LTBP3: variants seen among roughly 807,000 people sequenced by gnomAD.
LTBP3 encodes the protein latent-transforming growth factor beta-binding protein 3.
Under a neutral mutation model 159.7 loss-of-function variants are expected in LTBP3, and 97 were observed. The observed-to-expected ratio is 0.61, with a 90% CI of 0.52 to 0.72. The LOEUF (loss-of-function observed/expected upper bound fraction) is 0.72. Among genes scored for constraint, LTBP3 ranks in the 30% least tolerant of loss-of-function variants. The pLI is 0.00. For missense variants in LTBP3, 1,584 were observed against 1,864.3 expected, an observed-to-expected ratio of 0.85 and a Z score of 2.77; for synonymous variants, 824 against 777.1, an observed-to-expected ratio of 1.06 and a Z score of -1.00.
intron 21 of LTBP3, 29 bp from the exon 22 acceptor site, chr11:65,540,643 G>A (rs201231839): frequency 1.0e-4 from 163 of 1,595,126 alleles, no homozygotes; most frequent in Non-Finnish European, 1.2e-4. Context: ...TGGCCGCTCC[G>A]GTCCCGCAGC....
At chr11:65,549,979 A>C (rs1379286395) in intron 11 of LTBP3, among the ~76,000 whole-genome samples, 1 of 152,134 alleles carries the variant, frequency 6.6e-6, no homozygotes, top group Non-Finnish European at 1.5e-5. Flanking sequence ...TTGAGCACCT[A>C]CTATGTGCCA....
Position 65,540,012 on chromosome 11 carries a change from C to G in LTBP3, c.3385+1G>C. On this transcript the variant is annotated splice_donor_variant, in intron 24 of 27. Coordinates refer to ENST00000301873, the MANE Select transcript of LTBP3 (RefSeq NM_001130144.3). LOFTEE classifies it high-confidence loss of function. Reference sequence around the variant, plus strand: ...CGGCCAAGGCCAACCCTCGCCCTCACCGGCCGGGCTCTCGGGGAGCTGGCA... The same window carrying G: ...CGGCCAAGGCCAACCCTCGCCCTCAGCGGCCGGGCTCTCGGGGAGCTGGCA... 6.7e-7 allele frequency: 1 copy of G among 1,495,016 alleles called. No homozygotes were observed. Among genetic ancestry groups the G allele is most frequent in the Non-Finnish European group, 8.9e-7 (1 of 1,128,224 alleles). 92.6% of individuals were successfully genotyped at this position (1,495,016 alleles called of 1,614,324 possible).
intron 18 of LTBP3, among the ~76,000 whole-genome samples, chr11:65,542,217 C>G (rs73499027): frequency 6.6e-6 from 1 of 151,956 alleles, no homozygotes; most frequent in Non-Finnish European, 1.5e-5. Flanking sequence ...CAACATTCAC[C>G]TCCCCATTGC....
intron 20 of LTBP3, 53 bp from the exon 21 acceptor site, chr11:65,541,007 G>A (rs892778941): frequency 7.5e-6 from 12 of 1,590,574 alleles, no homozygotes; most frequent in Middle Eastern, 1.7e-4. Context: ...GAGCGCGCGC[G>A]TGGGCTTAGG....
rs572639733 is a variant in LTBP3 at position 65,557,543 on chromosome 11, G to C, written c.331+86C>G. The C allele has an allele frequency of 1.9e-6, 3 of 1,575,508 alleles. No homozygotes were observed. In the African/African-American group the frequency reaches 4.0e-5, roughly 21 times the overall value. On this transcript the variant is annotated intron_variant, in intron 1 of 27. Transcript: ENST00000301873. Reference sequence around the variant, plus strand: ...CTGCCCTTTATACCCTCAGCCCCCAGTCTCTAAGGCCAAGACCCCACTAGC... The same window carrying C: ...CTGCCCTTTATACCCTCAGCCCCCACTCTCTAAGGCCAAGACCCCACTAGC...
Position 65,538,850 on chromosome 11 carries a change from G to C in LTBP3, c.*230C>G. ...GCACGATCTGATTTATCAGTTTCTA[G>C]GAAACACCCTCTGGGAGGAAGGCAG... On this transcript the variant is annotated 3_prime_UTR_variant, in exon 28 of 28. Coordinates refer to ENST00000301873, the MANE Select transcript of LTBP3 (RefSeq NM_001130144.3). 1 of 855,448 alleles carries C rather than the reference G, an allele frequency of 1.2e-6. No homozygotes were observed. Among genetic ancestry groups the C allele is most frequent in the Non-Finnish European group, 1.7e-6 (1 of 604,052 alleles). 53.0% of individuals were successfully genotyped at this position (855,448 alleles called of 1,614,324 possible).
Position 65,541,206 on chromosome 11 carries a change from G to C in LTBP3, c.2813C>G (p.Thr938Ser). 1.2e-6 allele frequency: 2 copies of C among 1,613,794 alleles called. No homozygotes were observed. The highest frequency in any genetic ancestry group is 1.7e-6 in the Non-Finnish European group (2 of 1,179,996). The part of the protein sequence containing the change: ...FCDSVLATNV[T>S]QQECCCSLGA... The stretch of plus-strand genomic sequence containing the variant: ...CAGAGAGCAGCAGCACTCCTGCTGG[G>C]TCACGTTGGTGGCCAATACGCTGTC... Residue 938 changes from threonine (T) to serine (S), a missense_variant, in exon 20 of 28, where the codon ACC (threonine) becomes AGC (serine). Thr to Ser is a moderately conservative substitution (Grantham distance 58, BLOSUM62 1). This residue lies in a region of LTBP3 where 565 missense variants were observed against 677.7 expected (regional missense o/e 0.83). Coordinates refer to ENST00000301873, the MANE Select transcript of LTBP3 (RefSeq NM_001130144.3).
In LTBP3 at chr11:65,557,655, G is replaced by T; in HGVS notation, c.305C>A (p.Thr102Lys). The change falls in exon 1 of 28, where the codon ACG becomes AAG. Residue 102 changes from threonine to lysine, a missense_variant. By Grantham distance (78) the Thr-to-Lys change is moderately conservative. This residue lies in a region of LTBP3 where 76 missense variants were observed against 133.3 expected (regional missense o/e 0.57). Transcript: ENST00000301873. ...LIGENGHSTD[T>K]LTGSGFRVVV... ...CACGCGGAAGCCGGAGCCCGTGAGC[G>T]TGTCTGTGCTGTGGCCGTTCTCTCC... 1 of 1,610,866 alleles carries T rather than the reference G, an allele frequency of 6.2e-7. No individual in the cohort carries two copies.
At chr11:65,550,103 T>G (rs930310051) in intron 11 of LTBP3, among the ~76,000 whole-genome samples, 2 of 151,842 alleles carry the variant, frequency 1.3e-5, no homozygotes, top group Non-Finnish European at 2.9e-5. Context: ...CTATGTCTTA[T>G]AAATGCTATG....
chr11:65,539,679 C>T, intron 25 of LTBP3, 41 bp downstream of exon 25: 2 of 1,578,864 alleles, frequency 1.3e-6, no homozygotes, highest in Non-Finnish European at 1.7e-6. Flanking sequence ...GGCCCTGGCC[C>T]CCATCCTCGC....
chr11:65,547,771 T>G lies in LTBP3; in HGVS notation c.1897A>C (p.Met633Leu), dbSNP rs1259616769. ...CAATTGTAGGAGCCGCCGGTGTTCA[T>G]GCAGATGCCCCTCCCCGGGCCACAG... ...EPCGPGRGIC[M>L]NTGGSYNCHC... is the part of the protein sequence containing the mutation. The change falls in exon 13 of 28, where the codon ATG becomes CTG. Residue 633 changes from methionine to leucine, a missense_variant. Coordinates refer to ENST00000301873, the MANE Select transcript of LTBP3 (RefSeq NM_001130144.3). The surrounding 1 kb of genome is among the most constrained non-coding windows in gnomAD (Gnocchi z 4.6). The G allele has an allele frequency of 4.5e-5, 72 of 1,612,246 alleles. No individual in the cohort carries two copies. The highest frequency in any genetic ancestry group is 5.7e-5 in the Non-Finnish European group (67 of 1,179,546).
Position 65,546,582 on chromosome 11 carries a change from A to G in LTBP3, c.2231-18T>C. 6.2e-7 allele frequency: 1 copy of G among 1,601,072 alleles called. No individual in the cohort carries two copies. The highest frequency in any genetic ancestry group is 8.5e-7 in the Non-Finnish European group (1 of 1,179,360). On this transcript the variant is annotated intron_variant, in intron 15 of 27. Coordinates refer to ENST00000301873, the MANE Select transcript of LTBP3 (RefSeq NM_001130144.3). This position sits in a 1 kb window ranked among gnomAD's most constrained non-coding sequence, Gnocchi z 4.0. ...GTTCACGTCTGCGGCGGAAAGACCT[A>G]GCCTCGGACTCTGCCCCACCGGAAG...
At chr11:65,551,830 AG>A (rs1382672685) in intron 8 of LTBP3, 141 bp downstream of exon 8, 43 of 1,065,670 alleles carry the variant, frequency 4.0e-5, no homozygotes, top group Non-Finnish European at 5.4e-5. Context: ...CAGGGGTCAG[AG>A]GGTCAGGTGG....
At position 65,546,563 on chromosome 11, in the gene LTBP3, G is replaced by A; in HGVS notation, c.2232C>T (p.Asp744=). 6.2e-7 allele frequency: 1 copy of A among 1,602,172 alleles called. No homozygotes were observed. Among genetic ancestry groups the A allele is most frequent in the Non-Finnish European group, 8.5e-7 (1 of 1,179,438 alleles). Residue 744 remains aspartate, a splice_region_variant and synonymous_variant, in exon 16 of 28, where the codon GAC becomes GAT. Transcript: ENST00000301873. This position sits in a 1 kb window ranked among gnomAD's most constrained non-coding sequence, Gnocchi z 4.0. ...YRSQGGGACR[D]VNECAEGSPC... ...GGCTGCCCTCGGCGCACTCGTTCAC[G>A]TCTGCGGCGGAAAGACCTAGCCTCG...
chr11:65,540,647 C>T, intron 21 of LTBP3, 33 bp from the exon 22 acceptor site: 1 of 1,562,880 alleles, frequency 6.4e-7, no homozygotes, highest in Admixed American at 1.7e-5. Flanking sequence ...CGCTCCGGTC[C>T]CGCAGCTGCA....
chr11:65,540,687 G>A (rs561215781), intron 21 of LTBP3, 73 bp from the exon 22 acceptor site: 10 of 1,603,572 alleles, frequency 6.2e-6, no homozygotes, highest in African/African-American at 2.7e-5. Context: ...GCGCACCACC[G>A]GAGCGAAGCC....
rs1047991308 is a variant in LTBP3 at position 65,539,092 on chromosome 11, C to A, written c.3900G>T (p.Gln1300His). The part of the protein sequence containing the change: ...RSRPHGACVP[Q>H]RRR Reference sequence around the variant, plus strand: ...GGCGTCGGCGGCGTCAGCGGCGGCGCTGGGGAACGCAGGCCCCGTGCGGGC... The same window carrying A: ...GGCGTCGGCGGCGTCAGCGGCGGCGATGGGGAACGCAGGCCCCGTGCGGGC... Residue 1300 changes from glutamine (Q) to histidine (H), a missense_variant, in exon 28 of 28, where the codon CAG (glutamine) becomes CAT (histidine). Gln to His is a conservative substitution (Grantham distance 24). Transcript: ENST00000301873. 3 of 1,428,222 alleles carry A rather than the reference C, an allele frequency of 2.1e-6. No homozygotes were observed. The highest frequency in any genetic ancestry group is 2.8e-6 in the Non-Finnish European group (3 of 1,087,304). 88.5% of individuals were successfully genotyped at this position (1,428,222 alleles called of 1,614,324 possible).
intron 18 of LTBP3, chr11:65,542,728 T>C (rs1461263898): frequency 1.2e-5 from 4 of 325,110 alleles, no homozygotes; most frequent in Non-Finnish European, 2.4e-5. Flanking sequence ...GATGAATGCA[T>C]GTGTATGGGT....
chr11:65,547,881 C>T lies in LTBP3; in HGVS notation c.1846+39G>A. The T allele has an allele frequency of 6.2e-7, 1 of 1,613,372 alleles. No individual in the cohort carries two copies. The highest frequency in any genetic ancestry group is 8.5e-7 in the Non-Finnish European group (1 of 1,179,938). On this transcript the variant is annotated intron_variant, in intron 12 of 27. Coordinates refer to ENST00000301873, the MANE Select transcript of LTBP3 (RefSeq NM_001130144.3). The surrounding 1 kb of genome is among the most constrained non-coding windows in gnomAD (Gnocchi z 4.6). ...GAAGCGTCGTTATCTGGGGTCCCCC[C>T]CCACCCACCTGCATGCCCGCCGCCT...
Sources: gnomAD v4.1 joint callset for allele counts (sites outside exome capture counted in the v4.1 genomes callset) on GRCh38, gnomAD v4.1.1 for gene constraint, gnomAD v4.1.1 regional missense constraint, Gnocchi (gnomAD v3.1) non-coding constraint, MANE v1.5 for transcripts, NCBI Gene and HGNC (gene_info 2026-07-23, HGNC 2026-07-21) for gene names.